The following PTPRR variants were observed in gnomAD, a reference collection of about 807,000 sequenced individuals.
PTPRR encodes receptor-type tyrosine-protein phosphatase R.
In PTPRR, 38 loss-of-function variants were observed where a neutral mutation model predicts 77.2. The ratio of observed to expected loss-of-function variants is 0.49; its 90% confidence interval spans 0.38 to 0.65. The LOEUF (loss-of-function observed/expected upper bound fraction) is 0.65, where lower values mean the gene tolerates loss of function less well. Among genes scored for constraint, PTPRR ranks in the 30% least tolerant of loss-of-function variants. The pLI is 0.00. For missense variants in PTPRR, 744 were observed against 799.2 expected (o/e 0.93, Z 0.83); for synonymous variants, 299 against 283.1 (o/e 1.06, Z -0.57).
In PTPRR at chr12:70,639,110, C is replaced by T; in HGVS notation, c.*74G>A. On this transcript the variant is annotated 3_prime_UTR_variant, in exon 14 of 14. Transcript: ENST00000283228. ...CTCCTTCCTTCCATTGCAGGAAGCT[C>T]CTTCTAGAAGCCTTGGGTGGGTAAT... The T allele has an allele frequency of 7.6e-7, 1 of 1,307,198 alleles. No individual in the cohort carries two copies. The highest frequency in any genetic ancestry group is 1.1e-6 in the Non-Finnish European group (1 of 922,530). 81.0% of individuals were successfully genotyped at this position (1,307,198 alleles called of 1,614,324 possible). A position where few individuals can be genotyped will look rare whatever the true frequency, so the allele number is the denominator to read the frequency against.
intron 2 of PTPRR, among the ~76,000 whole-genome samples, chr12:70,851,995 C>A (rs1892579830): frequency 1.3e-5 from 2 of 152,060 alleles, no homozygotes; most frequent in African/African-American, 2.4e-5. Flanking sequence ...TCTGGGAAAA[C>A]TACTCATGTT....
At chr12:70,728,642 T>C (rs539483536) in intron 6 of PTPRR, among the ~76,000 whole-genome samples, 27 of 149,862 alleles carry the variant, frequency 1.8e-4, no homozygotes, top group African/African-American at 6.4e-4. Context: ...ATCATGTCAA[T>C]GTTCAATAAG....
chr12:70,713,558 C>T (rs1266998800), intron 6 of PTPRR, among the ~76,000 whole-genome samples: 2 of 117,450 alleles, frequency 1.7e-5, no homozygotes, highest in African/African-American at 5.6e-5. Context: ...CTAATACTTG[C>T]TGCTGCCTTT....
At chr12:70,701,410 G>T in intron 6 of PTPRR, 87 bp from the exon 7 acceptor site, 1 of 1,187,842 alleles carries the variant, frequency 8.4e-7, no homozygotes. Flanking sequence ...ACACAATTCA[G>T]TGAGAACTTT....
intron 7 of PTPRR, among the ~76,000 whole-genome samples, chr12:70,699,241 A>T (rs1273087174): frequency 6.6e-6 from 1 of 152,230 alleles, no homozygotes; most frequent in Non-Finnish European, 1.5e-5. Flanking sequence ...AACATTAAAT[A>T]TTTGATCAAA....
At chr12:70,657,444 T>A (rs1886626451) in intron 12 of PTPRR, among the ~76,000 whole-genome samples, 1 of 152,210 alleles carries the variant, frequency 6.6e-6, no homozygotes, top group African/African-American at 2.4e-5. Context: ...ATGTCTGTCC[T>A]GGTGGGTTTA....
chr12:70,826,333 G>A (rs1892108109), intron 2 of PTPRR, among the ~76,000 whole-genome samples: 1 of 152,166 alleles, frequency 6.6e-6, no homozygotes, highest in Admixed American at 6.5e-5. Context: ...AGAAGAGGGT[G>A]GGAAGGGCTG....
intron 8 of PTPRR, among the ~76,000 whole-genome samples, chr12:70,692,806 C>T (rs1003253748): frequency 1.3e-5 from 2 of 152,076 alleles, no homozygotes; most frequent in Non-Finnish European, 2.9e-5. Flanking sequence ...GCTTGGGTCC[C>T]CTGAGTTTTA....
chr12:70,897,478 T>C (rs1893450774), intron 1 of PTPRR, among the ~76,000 whole-genome samples: 1 of 151,730 alleles, frequency 6.6e-6, no homozygotes, highest in Admixed American at 6.6e-5. Context: ...CCAGTTAGAA[T>C]GGCAATCATT....
chr12:70,678,093 T>C (rs936224225), intron 10 of PTPRR, among the ~76,000 whole-genome samples: 2 of 152,036 alleles, frequency 1.3e-5, no homozygotes, highest in Non-Finnish European at 2.9e-5. Flanking sequence ...CAGGCTGGAG[T>C]ACAGTGGCAT....
rs1886593943 is a variant in PTPRR at position 70,656,713 on chromosome 12, C to T, written c.1871G>A (p.Arg624His). The change falls in exon 13 of 14, where the codon CGT becomes CAT. Residue 624 changes from arginine (R) to histidine (H), a missense_variant. Coordinates refer to ENST00000283228, the MANE Select transcript of PTPRR (RefSeq NM_002849.4). ...CCTCTGTGACACTCACCTATCCATA[C>T]GAAGCTGGCAGACAATGCTTAGTGC... ...VDALSIVCQL[R>H]MDRGGMVQTS... 2.5e-6 allele frequency: 4 copies of T among 1,612,344 alleles called. No individual in the cohort carries two copies. Among genetic ancestry groups the T allele is most frequent in the African/African-American group, 1.3e-5 (1 of 74,864 alleles).
intron 2 of PTPRR, among the ~76,000 whole-genome samples, chr12:70,808,612 C>G (rs983619640): frequency 1.3e-5 from 2 of 152,048 alleles, no homozygotes; most frequent in Non-Finnish European, 1.5e-5. Context: ...AGGCAGTTTC[C>G]CCTGATACTA....
chr12:70,713,122 G>C (rs1196294639), intron 6 of PTPRR, among the ~76,000 whole-genome samples: 1 of 152,000 alleles, frequency 6.6e-6, no homozygotes, highest in Non-Finnish European at 1.5e-5. Flanking sequence ...TGGACATTTC[G>C]TATAAATGGA....
chr12:70,786,250 T>C (rs754649552), intron 2 of PTPRR, among the ~76,000 whole-genome samples: 6 of 152,158 alleles, frequency 3.9e-5, no homozygotes, highest in Non-Finnish European at 7.3e-5. Context: ...CTCACTACAG[T>C]GTTCAGTAAG....
chr12:70,668,800 A>T (rs529366844), intron 10 of PTPRR, among the ~76,000 whole-genome samples: 1 of 152,336 alleles, frequency 6.6e-6, no homozygotes, highest in South Asian at 2.1e-4. Context: ...CCACAAAATT[A>T]AAAATAAAAA....
At chr12:70,904,675 G>A (rs979722820) in intron 1 of PTPRR, among the ~76,000 whole-genome samples, 3 of 151,418 alleles carry the variant, frequency 2.0e-5, no homozygotes, top group African/African-American at 7.3e-5. Context: ...AAGTCAATAG[G>A]TTATACTATG....
rs570054256 is a variant in PTPRR at position 70,643,341 on chromosome 12, G to T, written c.1881-4064C>A. Among the ~76,000 whole-genome samples, 4 of 151,562 alleles carry T rather than the reference G, an allele frequency of 2.6e-5. 1 individual carries two copies. In the South Asian group the frequency reaches 8.4e-4, roughly 32 times the overall value. On this transcript the variant is annotated intron_variant, in intron 13 of 13. Transcript: ENST00000283228. ...TGTGTTTTTTGTGTTTGTTTTGTTT[G>T]TTTTGTTTTTTAAGAGAGAGAGAGG... is the stretch of plus-strand genomic sequence containing the variant.
intron 13 of PTPRR, among the ~76,000 whole-genome samples, chr12:70,640,284 C>G (rs1885948724): frequency 6.6e-6 from 1 of 152,102 alleles, no homozygotes; most frequent in East Asian, 1.9e-4. Flanking sequence ...GCAATTCTCC[C>G]ACCTCAGCCT....
intron 2 of PTPRR, among the ~76,000 whole-genome samples, chr12:70,795,940 T>TTTTTTTTTTG (rs1436544409): frequency 2.2e-5 from 3 of 133,446 alleles, no homozygotes; most frequent in Non-Finnish European, 3.2e-5. Flanking sequence ...TTTTTTTTTT[T>TTTTTTTTTTG]TGACACAGAG....
Sources: gnomAD v4.1 joint callset for allele counts (sites outside exome capture counted in the v4.1 genomes callset) on GRCh38, gnomAD v4.1.1 for gene constraint, MANE v1.5 for transcripts, NCBI Gene and HGNC (gene_info 2026-07-23, HGNC 2026-07-21) for gene names.